The following UNC13A variants were observed in gnomAD, a reference collection of about 807,000 sequenced individuals.
UNC13A encodes unc-13 homolog A.
A neutral mutation model predicts 219.7 loss-of-function variants in UNC13A; 61 were observed. The observed-to-expected ratio is 0.28, with a 90% CI of 0.23 to 0.34. The LOEUF (loss-of-function observed/expected upper bound fraction) is 0.34. UNC13A is among the 10% of genes least tolerant of loss of function. UNC13A has a pLI of 1.00. For missense variants in UNC13A, 1,476 were observed against 2,270.3 expected (o/e 0.65, Z 7.11); for synonymous variants, 920 against 884.6 (o/e 1.04, Z -0.71).
In UNC13A at chr19:17,627,765, A is replaced by G; in HGVS notation, c.3831+98T>C. On this transcript the variant is annotated intron_variant, in intron 32 of 43. Transcript: ENST00000519716. This position sits in a 1 kb window ranked among gnomAD's most constrained non-coding sequence, Gnocchi z 4.7. The stretch of plus-strand genomic sequence containing the variant: ...TAAGGCCATGGTTGAGCTGGAATTC[A>G]TCCCCAGGCCTGGTGGCATATGAGC... 1 of 1,389,422 alleles carries G rather than the reference A, an allele frequency of 7.2e-7. No homozygotes were observed. The highest frequency in any genetic ancestry group is 2.0e-5 in the Admixed American group (1 of 49,816). 86.1% of individuals were successfully genotyped at this position (1,389,422 alleles called of 1,614,324 possible).
intron 30 of UNC13A, among the ~76,000 whole-genome samples, 186 bp downstream of exon 30, chr19:17,629,959 C>T (rs907007950): frequency 6.6e-6 from 1 of 151,526 alleles, no homozygotes; most frequent in Non-Finnish European, 1.5e-5. Flanking sequence ...ACTCCAACCT[C>T]ATCTCAACCT....
intron 39 of UNC13A, 78 bp from the exon 40 acceptor site, chr19:17,618,579 G>A (rs1238791748): frequency 7.0e-7 from 1 of 1,428,628 alleles, no homozygotes; most frequent in Non-Finnish European, 9.7e-7. Context: ...TCTCATCCCT[G>A]TTCAACTTGG....
At chr19:17,655,681 A>T (rs1228048688) in intron 10 of UNC13A, among the ~76,000 whole-genome samples, 1 of 149,144 alleles carries the variant, frequency 6.7e-6, no homozygotes, top group Non-Finnish European at 1.5e-5. Flanking sequence ...AAGATCACAA[A>T]CTCTAAGTCT....
intron 34 of UNC13A, among the ~76,000 whole-genome samples, chr19:17,625,841 C>G (rs1378580833): frequency 6.9e-6 from 1 of 145,798 alleles, no homozygotes; most frequent in Non-Finnish European, 1.5e-5. Context: ...ATCCAACCAT[C>G]CATTCATCCA....
At chr19:17,667,776 A>ATT (rs34197880) in intron 6 of UNC13A, among the ~76,000 whole-genome samples, 121 of 108,022 alleles carry the variant, frequency 1.1e-3, no homozygotes, top group African/African-American at 4.4e-3. Context: ...AGCCTGGCTA[A>ATT]TTTTTTTTTT....
intron 5 of UNC13A, 136 bp downstream of exon 5, chr19:17,669,417 T>G (rs910247983): frequency 3.1e-6 from 4 of 1,283,264 alleles, no homozygotes; most frequent in Admixed American, 5.5e-5. Context: ...CTCTCTCTCC[T>G]CCGGGGCGAA....
intron 19 of UNC13A, among the ~76,000 whole-genome samples, chr19:17,645,215 G>C (rs557491540): frequency 7.4e-4 from 111 of 150,770 alleles, no homozygotes; most frequent in African/African-American, 2.7e-3. Flanking sequence ...CACCATGTTA[G>C]CCAGGCTGGT....
intron 2 of UNC13A, among the ~76,000 whole-genome samples, chr19:17,675,220 G>A (rs2145915659): frequency 1.3e-5 from 2 of 152,202 alleles, no homozygotes; most frequent in East Asian, 1.9e-4. Context: ...TGTGGTCCCA[G>A]CTACTTGGAA....
At position 17,603,033 on chromosome 19, in the gene UNC13A, G is replaced by A. The variant is rs1345780579; in HGVS notation, c.*3021C>T. 6.6e-6 allele frequency: 1 copy of A among 152,232 alleles called. No homozygotes were observed. The highest frequency in any genetic ancestry group is 1.9e-4 in the East Asian group (1 of 5,202). The allele number at this position is 152,232 out of a possible 1,614,324, so 9.4% of individuals were successfully genotyped here. A position where few individuals can be genotyped will look rare whatever the true frequency, so the allele number is the denominator to read the frequency against. On this transcript the variant is annotated 3_prime_UTR_variant, in exon 44 of 44. Transcript: ENST00000519716. ...GAAAGTCCTGAGGGGAAGGAAGGAG[G>A]GTTTTCTCCAAGAGGGGTTTCCGTG...
At position 17,645,699 on chromosome 19, in the gene UNC13A, G is replaced by A. The variant is rs747466205; in HGVS notation, c.2331C>T (p.Gly777=). ...QTIIEVRTLS[G]EMDVWYNLDK... is the part of the protein sequence containing the mutation. ...CCAGGTTGTACCACACGTCCATCTCGCCGCTGAGCGTCCGCACCTCAATGA... is the reference window on the plus strand; with the variant it reads ...CCAGGTTGTACCACACGTCCATCTCACCGCTGAGCGTCCGCACCTCAATGA... The change falls in exon 19 of 44, where the codon GGC becomes GGT. Residue 777 remains glycine, a synonymous_variant. Transcript: ENST00000519716. The A allele has an allele frequency of 3.1e-6, 5 of 1,614,190 alleles. No homozygotes were observed. The highest frequency in any genetic ancestry group is 2.2e-5 in the East Asian group (1 of 44,884).
rs1302384573 is a variant in UNC13A at position 17,649,094 on chromosome 19, G to A, written c.1525-111C>T. The stretch of plus-strand genomic sequence containing the variant: ...GCAGCCACATTTTGGAGCCACAACC[G>A]CAAGTTGGAAACAGGTCACCGACAG... On this transcript the variant is annotated intron_variant, in intron 14 of 43. Coordinates refer to ENST00000519716, the MANE Select transcript of UNC13A (RefSeq NM_001080421.3). This position sits in a 1 kb window ranked among gnomAD's most constrained non-coding sequence, Gnocchi z 4.4. 20 of 1,286,536 alleles carry A rather than the reference G, an allele frequency of 1.6e-5. No homozygotes were observed. Among genetic ancestry groups the A allele is most frequent in the East Asian group, 1.5e-4 (6 of 39,536 alleles). The allele number at this position is 1,286,536 out of a possible 1,614,324, so 79.7% of individuals were successfully genotyped here. A position where few individuals can be genotyped will look rare whatever the true frequency, so the allele number is the denominator to read the frequency against.
chr19:17,659,016 G>C (rs1184464128), intron 8 of UNC13A, among the ~76,000 whole-genome samples: 2 of 151,922 alleles, frequency 1.3e-5, no homozygotes, highest in African/African-American at 4.8e-5. Flanking sequence ...CAACATGTCT[G>C]GGTGGTGGCA....
chr19:17,629,187 G>T, intron 31 of UNC13A, 53 bp downstream of exon 31: 1 of 1,490,112 alleles, frequency 6.7e-7, no homozygotes. Context: ...GGAGTCCTGG[G>T]GATGCTGAAT....
At position 17,674,767 on chromosome 19, in the gene UNC13A, G is replaced by T. The variant is rs374125443; in HGVS notation, c.53-11C>A. The T allele has an allele frequency of 1.1e-5, 18 of 1,611,388 alleles. No individual in the cohort carries two copies. The highest frequency in any genetic ancestry group is 2.7e-5 in the African/African-American group (2 of 74,856). Reference sequence around the variant, plus strand: ...ACGTGTTGAATTTCTCTGTGGCAGTGAGAGTAGGGGTCAGCGCTGGGGCTC... The same window carrying T: ...ACGTGTTGAATTTCTCTGTGGCAGTTAGAGTAGGGGTCAGCGCTGGGGCTC... On this transcript the variant is annotated splice_polypyrimidine_tract_variant and intron_variant, in intron 2 of 43. Coordinates refer to ENST00000519716, the MANE Select transcript of UNC13A (RefSeq NM_001080421.3). This position sits in a 1 kb window ranked among gnomAD's most constrained non-coding sequence, Gnocchi z 5.0.
chr19:17,670,841 T>A (rs1035325281), intron 4 of UNC13A, among the ~76,000 whole-genome samples: 1 of 151,064 alleles, frequency 6.6e-6, no homozygotes, highest in Non-Finnish European at 1.5e-5. Flanking sequence ...GAGGCAGAGG[T>A]TGCAGTGAGC....
At chr19:17,624,307 C>T (rs1207794795) in intron 35 of UNC13A, among the ~76,000 whole-genome samples, 2 of 151,690 alleles carry the variant, frequency 1.3e-5, no homozygotes, top group African/African-American at 2.4e-5. Flanking sequence ...TTAGTAGAGA[C>T]GAGATTTCAC....
At chr19:17,631,663 A>G (rs1477217480) in intron 28 of UNC13A, among the ~76,000 whole-genome samples, 1 of 152,190 alleles carries the variant, frequency 6.6e-6, no homozygotes, top group East Asian at 1.9e-4. Context: ...AGATGTCCCG[A>G]GTTCAAATCT....
intron 43 of UNC13A, among the ~76,000 whole-genome samples, chr19:17,608,191 C>T (rs1463364825): frequency 6.8e-6 from 1 of 146,626 alleles, no homozygotes; most frequent in Admixed American, 6.9e-5. Flanking sequence ...GGATTACAGG[C>T]GCCCACCACA....
rs1261253134 is a variant in UNC13A, at chr19:17,668,208, T to A, written c.395-18A>T. 6.2e-7 allele frequency: 1 copy of A among 1,610,932 alleles called. No individual in the cohort carries two copies. Among genetic ancestry groups the A allele is most frequent in the Non-Finnish European group, 8.5e-7 (1 of 1,178,576 alleles). On this transcript the variant is annotated intron_variant, in intron 5 of 43. Transcript: ENST00000519716. ...AGGAATGTCTGCAAGCAGAGCCCTGTCTGTGAGCCTGGAAGACCCTCCCTG... is the reference window on the plus strand; with the variant it reads ...AGGAATGTCTGCAAGCAGAGCCCTGACTGTGAGCCTGGAAGACCCTCCCTG...
Sources: gnomAD v4.1 joint callset for allele counts (sites outside exome capture counted in the v4.1 genomes callset) on GRCh38, gnomAD v4.1.1 for gene constraint, Gnocchi (gnomAD v3.1) non-coding constraint, MANE v1.5 for transcripts, NCBI Gene and HGNC (gene_info 2026-07-23, HGNC 2026-07-21) for gene names.